Variants in BMP8B observed in about 807,000 individuals in gnomAD.
BMP8B encodes bone morphogenetic protein 8b.
A neutral mutation model predicts 30.3 loss-of-function variants in BMP8B; 17 were observed. The ratio of observed to expected loss-of-function variants is 0.56; its 90% confidence interval spans 0.38 to 0.84. The LOEUF (loss-of-function observed/expected upper bound fraction) is 0.84. Among genes scored for constraint, BMP8B ranks in the 40% least tolerant of loss-of-function variants. The pLI is 0.00. For synonymous variants in BMP8B, 131 were observed against 214.7 expected (o/e 0.61, Z 3.41); for missense variants, 253 against 494.6 (o/e 0.51, Z 4.63).
chr1:39,788,215 C>A lies in BMP8B; in HGVS notation c.271G>T (p.Asp91Tyr), dbSNP rs1651137991. ...YHAMAGDDDE[D>Y]GAPAERRLGR... ...AGGCGCCGCTCCGCGGGCGCGCCGTCCTCGTCGTCGTCGCCGGCCATGGCG... is the reference window on the plus strand; with the variant it reads ...AGGCGCCGCTCCGCGGGCGCGCCGTACTCGTCGTCGTCGCCGGCCATGGCG... The change falls in exon 1 of 7, where the codon GAC (aspartate) becomes TAC (tyrosine). Residue 91 changes from aspartate (D) to tyrosine (Y), a missense_variant. Coordinates refer to ENST00000372827, the MANE Select transcript of BMP8B (RefSeq NM_001720.5). The surrounding 1 kb of genome is among the most constrained non-coding windows in gnomAD (Gnocchi z 5.8). 2 of 1,572,902 alleles carry A rather than the reference C, an allele frequency of 1.3e-6. No individual in the cohort carries two copies. The highest frequency in any genetic ancestry group is 2.2e-5 in the South Asian group (2 of 89,722).
Position 39,782,481 on chromosome 1 carries a change from T to G in BMP8B, c.334+5671A>C, listed in dbSNP as rs6678976. ...TTGCTTTGTTTTTGTTTTTGTTTTT[T>G]TTTGAGATGGCATTTCGCTCCTGTT... On this transcript the variant is annotated intron_variant, in intron 1 of 6. Coordinates refer to ENST00000372827, the MANE Select transcript of BMP8B (RefSeq NM_001720.5). 8.3e-3 allele frequency among the ~76,000 whole-genome samples: 1,270 copies of G among 152,212 alleles called. 16 individuals carry two copies. Among genetic ancestry groups the G allele is most frequent in the African/African-American group, 0.029 (1,198 of 41,554 alleles).
intron 1 of BMP8B, among the ~76,000 whole-genome samples, chr1:39,780,129 A>G (rs1650528425): frequency 6.6e-6 from 1 of 152,222 alleles, no homozygotes; most frequent in African/African-American, 2.4e-5. Context: ...GCAGGGACCT[A>G]TCACCACTAG....
intron 1 of BMP8B, among the ~76,000 whole-genome samples, chr1:39,785,957 T>C (rs1650955056): frequency 6.6e-6 from 1 of 152,226 alleles, no homozygotes; most frequent in South Asian, 2.1e-4. Flanking sequence ...CCACTAACAA[T>C]GATCTGCTTG....
In BMP8B at chr1:39,757,286, G is replaced by A. The variant is rs1648384240; in HGVS notation, c.*3133C>T. ...AATACCTATTGTTAAGCATTTATAT[G>A]TCAGACATCCCAAAGATTTGTGTAC... On this transcript the variant is annotated 3_prime_UTR_variant, in exon 7 of 7. Coordinates refer to ENST00000372827, the MANE Select transcript of BMP8B (RefSeq NM_001720.5). 6.6e-6 allele frequency: 1 copy of A among 152,200 alleles called. No homozygotes were observed. Among genetic ancestry groups the A allele is most frequent in the African/African-American group, 2.4e-5 (1 of 41,448 alleles). The allele number at this position is 152,200 out of a possible 1,614,324, so 9.4% of individuals were successfully genotyped here.
Position 39,788,673 on chromosome 1 carries a change from G to T in BMP8B, c.-188C>A. On this transcript the variant is annotated 5_prime_UTR_variant, in exon 1 of 7. Transcript: ENST00000372827. This position sits in a 1 kb window ranked among gnomAD's most constrained non-coding sequence, Gnocchi z 5.8. ...CTGGAGCGCCCGCCGCGCGACACCT[G>T]TCCTGGCTCCTGGACGAGAGGACGC... is the stretch of plus-strand genomic sequence containing the variant. The T allele has an allele frequency of 2.6e-6, 1 of 384,132 alleles. No homozygotes were observed. The highest frequency in any genetic ancestry group is 3.6e-6 in the Non-Finnish European group (1 of 280,718). The allele number at this position is 384,132 out of a possible 1,614,324, so 23.8% of individuals were successfully genotyped here.
At chr1:39,786,154 T>C (rs890639084) in intron 1 of BMP8B, among the ~76,000 whole-genome samples, 5 of 152,244 alleles carry the variant, frequency 3.3e-5, no homozygotes, top group Non-Finnish European at 7.3e-5. Flanking sequence ...ATGAGTTAAA[T>C]GAGGAATTGT....
At position 39,769,889 on chromosome 1, in the gene BMP8B, G is replaced by A. The variant is rs146244343; in HGVS notation, c.673+4419C>T. 600 of 1,608,124 alleles carry A rather than the reference G, an allele frequency of 3.7e-4. 4 individuals are homozygous for A. The African/African-American group carries it at 5.6e-3, about 15-fold the overall frequency. On this transcript the variant is annotated intron_variant, in intron 3 of 6. Coordinates refer to ENST00000372827, the MANE Select transcript of BMP8B (RefSeq NM_001720.5). ...GTCCACGCACCGCTTCCCGGTCAGC[G>A]GCATGGTGCATTTCTCCATGATCTT...
At position 39,760,026 on chromosome 1, in the gene BMP8B, C is replaced by CGTATCATT; in HGVS notation, c.*392_*393insAATGATAC. Reference sequence around the variant, plus strand: ...TGGATGGTGAAGAGCTCAAGGTGGCCAACAGTGGGCTCCAGGTGCCTCTCA... The same window carrying CGTATCATT: ...TGGATGGTGAAGAGCTCAAGGTGGCCGTATCATTAACAGTGGGCTCCAGGTGCCTCTCA... On this transcript the variant is annotated 3_prime_UTR_variant, in exon 7 of 7. Transcript: ENST00000372827. 1 of 246,554 alleles carries CGTATCATT rather than the reference C, an allele frequency of 4.1e-6. No individual in the cohort carries two copies. The highest frequency in any genetic ancestry group is 8.0e-6 in the Non-Finnish European group (1 of 124,678). The allele number at this position is 246,554 out of a possible 1,614,324, so 15.3% of individuals were successfully genotyped here.
chr1:39,760,670 C>T (rs1648834430), intron 6 of BMP8B, 102 bp from the exon 7 acceptor site: 2 of 1,410,200 alleles, frequency 1.4e-6, no homozygotes, highest in East Asian at 5.0e-5. Flanking sequence ...CCCTGGCCAT[C>T]TCCAGGCCAC....
Position 39,788,494 on chromosome 1 carries a change from G to C in BMP8B, c.-9C>G, listed in dbSNP as rs1475748089. Reference sequence around the variant, plus strand: ...CCGGGGAGCGCGGTCATGGCAGGCCGGGGGCGCTCAGCTGGGGCGCTCAGC... The same window carrying C: ...CCGGGGAGCGCGGTCATGGCAGGCCCGGGGCGCTCAGCTGGGGCGCTCAGC... On this transcript the variant is annotated 5_prime_UTR_variant, in exon 1 of 7. Coordinates refer to ENST00000372827, the MANE Select transcript of BMP8B (RefSeq NM_001720.5). The surrounding 1 kb of genome is among the most constrained non-coding windows in gnomAD (Gnocchi z 5.8). The C allele has an allele frequency of 3.0e-6, 3 of 1,012,262 alleles. No individual in the cohort carries two copies. In the South Asian group the frequency reaches 1.3e-4, roughly 45 times the overall value. The allele number at this position is 1,012,262 out of a possible 1,614,324, so 62.7% of individuals were successfully genotyped here. A position where few individuals can be genotyped will look rare whatever the true frequency, so the allele number is the denominator to read the frequency against.
intron 1 of BMP8B, among the ~76,000 whole-genome samples, chr1:39,775,449 G>A (rs1650158368): frequency 6.6e-6 from 1 of 152,222 alleles, no homozygotes; most frequent in African/African-American, 2.4e-5. Context: ...GCCCTGCAGG[G>A]AAACCTGGTA....
intron 1 of BMP8B, among the ~76,000 whole-genome samples, chr1:39,786,476 T>C (rs913853193): frequency 7.9e-5 from 12 of 152,024 alleles, no homozygotes; most frequent in African/African-American, 2.7e-4. Flanking sequence ...TGAGGAACTT[T>C]CCTAAGGTCA....
Position 39,786,332 on chromosome 1 carries a change from G to A in BMP8B, c.334+1820C>T, listed in dbSNP as rs1211011259. Among the ~76,000 whole-genome samples the A allele has an allele frequency of 5.3e-5, 8 of 152,326 alleles. No individual in the cohort carries two copies. The East Asian group carries it at 1.4e-3, about 26-fold the overall frequency. ...GCTGGGAGGGCCTGGGGCCAACAGT[G>A]CCCAGGTCCAGGTTCACCCTCTGAG... On this transcript the variant is annotated intron_variant, in intron 1 of 6. Coordinates refer to ENST00000372827, the MANE Select transcript of BMP8B (RefSeq NM_001720.5).
intron 2 of BMP8B, 151 bp downstream of exon 2, chr1:39,774,698 G>A (rs1455752357): frequency 3.7e-6 from 1 of 267,960 alleles, no homozygotes; most frequent in Non-Finnish European, 6.4e-6. Flanking sequence ...TGTCACTGGG[G>A]CTCTTCCCAC....
rs1432859143 is a variant in BMP8B at position 39,760,247 on chromosome 1, G to A, written c.*172C>T. ...GACAGTCACACAAATGCCTGGCAGG[G>A]CAAGGGGAGCATAGGAGCCTGGCAT... On this transcript the variant is annotated 3_prime_UTR_variant, in exon 7 of 7. Transcript: ENST00000372827. 3 of 1,120,570 alleles carry A rather than the reference G, an allele frequency of 2.7e-6. No homozygotes were observed. The highest frequency in any genetic ancestry group is 5.2e-5 in the East Asian group (2 of 38,484). The allele number at this position is 1,120,570 out of a possible 1,614,324, so 69.4% of individuals were successfully genotyped here.
intron 3 of BMP8B, among the ~76,000 whole-genome samples, chr1:39,767,125 TAGATC>T (rs1649671047): frequency 6.6e-6 from 1 of 151,710 alleles, no homozygotes; most frequent in Non-Finnish European, 1.5e-5. Flanking sequence ...AATGTCGCAT[TAGATC>T]AGTTACACCA....
At chr1:39,766,672 CAAG>C (rs1285910760) in intron 3 of BMP8B, among the ~76,000 whole-genome samples, 1 of 143,118 alleles carries the variant, frequency 7.0e-6, no homozygotes, top group African/African-American at 2.8e-5. Flanking sequence ...CGAGCATGGA[CAAG>C]AGCTGCTGAG....
At position 39,760,176 on chromosome 1, in the gene BMP8B, G is replaced by T; in HGVS notation, c.*243C>A. On this transcript the variant is annotated 3_prime_UTR_variant, in exon 7 of 7. Coordinates refer to ENST00000372827, the MANE Select transcript of BMP8B (RefSeq NM_001720.5). Reference sequence around the variant, plus strand: ...GCCTCCGGGAGAGGCGTTTGCATTTGGGTAGAACACTGCCTGATGATTGAG... The same window carrying T: ...GCCTCCGGGAGAGGCGTTTGCATTTTGGTAGAACACTGCCTGATGATTGAG... 4 of 655,346 alleles carry T rather than the reference G, an allele frequency of 6.1e-6. No homozygotes were observed. The highest frequency in any genetic ancestry group is 1.8e-5 in the African/African-American group (1 of 54,752). The allele number at this position is 655,346 out of a possible 1,614,324, so 40.6% of individuals were successfully genotyped here. A position where few individuals can be genotyped will look rare whatever the true frequency, so the allele number is the denominator to read the frequency against.
chr1:39,778,104 CG>C (rs894921514), intron 1 of BMP8B, among the ~76,000 whole-genome samples: 10 of 152,358 alleles, frequency 6.6e-5, no homozygotes, highest in Admixed American at 3.3e-4. Context: ...CCCTGTGTTT[CG>C]GGGCCCCAGA....
Sources: gnomAD v4.1 joint callset for allele counts (sites outside exome capture counted in the v4.1 genomes callset) on GRCh38, gnomAD v4.1.1 for gene constraint, Gnocchi (gnomAD v3.1) non-coding constraint, MANE v1.5 for transcripts, NCBI Gene and HGNC (gene_info 2026-07-23, HGNC 2026-07-21) for gene names.